RAB11FIP4: variants seen among roughly 807,000 people sequenced by gnomAD.
RAB11FIP4 encodes the protein rab11 family-interacting protein 4.
RAB11FIP4 carries 23 observed loss-of-function variants against 74.3 expected under a neutral mutation model. That is an observed-to-expected ratio of 0.31 (90% CI 0.22 to 0.44). The LOEUF is 0.44. Ranked by LOEUF, RAB11FIP4 falls within the 20% of genes least tolerant of loss-of-function variation. The probability of loss-of-function intolerance (pLI) is 1.00; values close to 1 mark genes in which losing one functional copy is unlikely to be tolerated. For missense variants in RAB11FIP4, 630 were observed against 863.9 expected, an observed-to-expected ratio of 0.73 and a Z score of 3.39; for synonymous variants, 360 against 359.9, an observed-to-expected ratio of 1.00 and a Z score of 0.00.
intron 3 of RAB11FIP4, among the ~76,000 whole-genome samples, chr17:31,445,564 ATATATATATATATATT>A (rs2071450144): frequency 1.5e-4 from 2 of 13,116 alleles, no homozygotes; most frequent in African/African-American, 2.4e-4. Context: ...ATATATATAT[ATATATATATATATATT>A]TTTTTTTTTT....
chr17:31,472,649 C>G (rs1295408849), intron 3 of RAB11FIP4, among the ~76,000 whole-genome samples: 2 of 152,150 alleles, frequency 1.3e-5, no homozygotes, highest in African/African-American at 2.4e-5. Context: ...GAAGGCGAAG[C>G]AGAAGGGAAG....
chr17:31,449,321 C>T (rs567705390), intron 3 of RAB11FIP4, among the ~76,000 whole-genome samples: 5 of 152,298 alleles, frequency 3.3e-5, no homozygotes, highest in South Asian at 4.1e-4. Context: ...ACCCGCACCA[C>T]GCCCCTGCTG....
At chr17:31,431,699 G>A in intron 1 of RAB11FIP4, 114 bp from the exon 2 acceptor site, 1 of 786,454 alleles carries the variant, frequency 1.3e-6, no homozygotes, top group Non-Finnish European at 2.2e-6. Context: ...GAGGGTAAGA[G>A]GACTGGGCGG....
intron 3 of RAB11FIP4, among the ~76,000 whole-genome samples, chr17:31,457,092 GT>G (rs1328862208): frequency 6.6e-6 from 1 of 152,198 alleles, no homozygotes; most frequent in Admixed American, 6.6e-5. Context: ...GGGATAGTGA[GT>G]TGCTCAGGTG....
intron 1 of RAB11FIP4, among the ~76,000 whole-genome samples, chr17:31,424,546 A>G (rs768613450): frequency 3.9e-4 from 59 of 150,046 alleles, no homozygotes; most frequent in Non-Finnish European, 7.7e-4. Flanking sequence ...AGTAGCTGGG[A>G]CTACAGGCGC....
intron 1 of RAB11FIP4, among the ~76,000 whole-genome samples, chr17:31,428,302 T>G (rs1219159390): frequency 6.6e-6 from 1 of 152,158 alleles, no homozygotes; most frequent in Non-Finnish European, 1.5e-5. Flanking sequence ...GTGGTCCCTA[T>G]AAATAGATGA....
chr17:31,500,626 T>A (rs776101911), intron 3 of RAB11FIP4, among the ~76,000 whole-genome samples: 4 of 152,138 alleles, frequency 2.6e-5, no homozygotes, highest in Non-Finnish European at 4.4e-5. Context: ...CTAAATACAG[T>A]TTTGGGCAAA....
At chr17:31,457,635 G>A (rs115516843) in intron 3 of RAB11FIP4, among the ~76,000 whole-genome samples, 2 of 152,008 alleles carry the variant, frequency 1.3e-5, no homozygotes, top group East Asian at 1.9e-4. Flanking sequence ...GAGACCCAGC[G>A]GGAGCTTTGA....
At chr17:31,521,430 G>GT (rs1197692324) in intron 5 of RAB11FIP4, 70 bp downstream of exon 5, 35 of 1,403,174 alleles carry the variant, frequency 2.5e-5, no homozygotes, top group South Asian at 1.2e-4. Flanking sequence ...ATCCTAGGGG[G>GT]TGGGGGGGTG....
chr17:31,491,527 A>C (rs58421901), intron 3 of RAB11FIP4, among the ~76,000 whole-genome samples: 18,570 of 152,164 alleles, frequency 0.12, 3,534 homozygotes, highest in African/African-American at 0.41. Context: ...GGTGACATCC[A>C]AACGAAAGAG....
intron 3 of RAB11FIP4, among the ~76,000 whole-genome samples, chr17:31,484,802 C>T (rs1463168047): frequency 2.6e-5 from 4 of 152,216 alleles, no homozygotes; most frequent in Non-Finnish European, 5.9e-5. Flanking sequence ...TGGTTACCTG[C>T]TCTGTGCCAG....
At chr17:31,424,076 C>T (rs917272289) in intron 1 of RAB11FIP4, among the ~76,000 whole-genome samples, 2 of 152,068 alleles carry the variant, frequency 1.3e-5, no homozygotes, top group Non-Finnish European at 1.5e-5. Flanking sequence ...GAGTTTCTTC[C>T]GTAGCTTTTT....
At chr17:31,434,831 G>C (rs2071343141) in intron 3 of RAB11FIP4, among the ~76,000 whole-genome samples, 2 of 152,236 alleles carry the variant, frequency 1.3e-5, no homozygotes, top group Admixed American at 1.3e-4. Context: ...TTCGCTTAGG[G>C]GCGCTGCCTC....
Position 31,476,172 on chromosome 17 carries a change from C to CTTTTTT in RAB11FIP4, c.337-41454_337-41449dup, listed in dbSNP as rs71369069. Among the ~76,000 whole-genome samples the CTTTTTT allele has an allele frequency of 6.1e-4, 39 of 63,568 alleles. 7 individuals are homozygous for CTTTTTT. The highest frequency in any genetic ancestry group is 1.2e-3 in the African/African-American group (21 of 16,858). The allele number at this position is 63,568 out of a possible 152,430, so 41.7% of individuals were successfully genotyped here. On this transcript the variant is annotated intron_variant, in intron 3 of 14. Transcript: ENST00000621161. The stretch of plus-strand genomic sequence containing the variant: ...CTGCAAATAATGAGAATCGACTGAA[C>CTTTTTT]TTTTTTTTTTTTTTTTTTTTTTTTT...
At chr17:31,452,088 C>T (rs1665849887) in intron 3 of RAB11FIP4, among the ~76,000 whole-genome samples, 1 of 152,060 alleles carries the variant, frequency 6.6e-6, no homozygotes, top group South Asian at 2.1e-4. Context: ...CTATAATTTC[C>T]CTGCTGTACT....
At chr17:31,521,466 T>G in intron 5 of RAB11FIP4, 106 bp downstream of exon 5, 2 of 1,008,790 alleles carry the variant, frequency 2.0e-6, no homozygotes, top group Non-Finnish European at 2.9e-6. Flanking sequence ...CCCTTTTCCT[T>G]TGTCCTCAGC....
chr17:31,446,495 G>A lies in RAB11FIP4; in HGVS notation c.336+12373G>A, dbSNP rs529055028. 4.7e-4 allele frequency among the ~76,000 whole-genome samples: 72 copies of A among 152,214 alleles called. No homozygotes were observed. In the South Asian group the frequency reaches 6.6e-3, roughly 14 times the overall value. On this transcript the variant is annotated intron_variant, in intron 3 of 14. Transcript: ENST00000621161. ...TCTGTGCGATGGGTAACGTCTGTGCGATGAACACTGTACACTGGGTACAGT... is the reference window on the plus strand; with the variant it reads ...TCTGTGCGATGGGTAACGTCTGTGCAATGAACACTGTACACTGGGTACAGT...
intron 3 of RAB11FIP4, among the ~76,000 whole-genome samples, chr17:31,464,056 C>T (rs976258372): frequency 5.3e-5 from 8 of 151,902 alleles, no homozygotes; most frequent in African/African-American, 1.5e-4. Flanking sequence ...TCAGGTCATC[C>T]GCCCACCCCA....
chr17:31,521,451 G>C, intron 5 of RAB11FIP4, 91 bp downstream of exon 5: 1 of 1,165,752 alleles, frequency 8.6e-7, no homozygotes, highest in Non-Finnish European at 1.2e-6. Flanking sequence ...CGAGTCCTGA[G>C]CTGGCCCTTT....
Sources: gnomAD v4.1 joint callset for allele counts (sites outside exome capture counted in the v4.1 genomes callset) on GRCh38, gnomAD v4.1.1 for gene constraint, MANE v1.5 for transcripts, NCBI Gene and HGNC (gene_info 2026-07-23, HGNC 2026-07-21) for gene names.